Variants in ARHGAP20 observed in about 807,000 individuals in gnomAD.
The protein encoded by ARHGAP20 is Rho GTPase activating protein 20, also known as rho GTPase-activating protein 20.
A neutral mutation model predicts 73.7 loss-of-function variants in ARHGAP20; 34 were observed. That is an observed-to-expected ratio of 0.46 (90% CI 0.35 to 0.61). The LOEUF is 0.61. Among genes scored for constraint, ARHGAP20 ranks in the 20% least tolerant of loss-of-function variants. The pLI, the probability that ARHGAP20 is intolerant of heterozygous loss-of-function variation, is 0.00. For synonymous variants in ARHGAP20, 523 were observed against 518.2 expected, an observed-to-expected ratio of 1.01 and a Z score of -0.13; for missense variants, 1,314 against 1,420.9, an observed-to-expected ratio of 0.92 and a Z score of 1.21.
chr11:110,643,081 T>C (rs1347600983), intron 2 of ARHGAP20, among the ~76,000 whole-genome samples: 1 of 152,090 alleles, frequency 6.6e-6, no homozygotes, highest in South Asian at 2.1e-4. Context: ...CTGTTCATAA[T>C]AGTCTCAGGA....
At chr11:110,695,555 A>G (rs1204812099) in intron 1 of ARHGAP20, among the ~76,000 whole-genome samples, 1 of 151,722 alleles carries the variant, frequency 6.6e-6, no homozygotes, top group Admixed American at 6.6e-5. Context: ...AGATATACGA[A>G]TTGCCAATAA....
At chr11:110,643,745 A>G (rs1255666061) in intron 2 of ARHGAP20, among the ~76,000 whole-genome samples, 2 of 151,950 alleles carry the variant, frequency 1.3e-5, no homozygotes, top group Non-Finnish European at 2.9e-5. Context: ...GTTGTTGGGT[A>G]GAGTATTCTG....
intron 10 of ARHGAP20, among the ~76,000 whole-genome samples, chr11:110,591,330 A>G (rs866031583): frequency 1.3e-5 from 2 of 152,212 alleles, no homozygotes; most frequent in Non-Finnish European, 2.9e-5. Context: ...TGATGACATG[A>G]TAACAACTAT....
upstream of ARHGAP20, chr11:110,712,930 G>T (rs1300206143): frequency 6.6e-6 from 1 of 152,394 alleles, no homozygotes; most frequent in East Asian, 1.9e-4. Flanking sequence ...GTGGCACGTC[G>T]CAGAGTGTCG....
intron 2 of ARHGAP20, among the ~76,000 whole-genome samples, chr11:110,653,924 A>G (rs1949412132): frequency 6.6e-6 from 1 of 152,122 alleles, no homozygotes; most frequent in African/African-American, 2.4e-5. Flanking sequence ...ATGGACATGG[A>G]TGGAGCTGGG....
chr11:110,607,017 C>T (rs547332728), intron 8 of ARHGAP20, among the ~76,000 whole-genome samples: 6 of 152,134 alleles, frequency 3.9e-5, no homozygotes, highest in East Asian at 1.9e-4. Context: ...GATCAGTTTG[C>T]GAGTTCCATA....
At chr11:110,599,512 C>G (rs1948057813) in intron 9 of ARHGAP20, among the ~76,000 whole-genome samples, 1 of 152,206 alleles carries the variant, frequency 6.6e-6, no homozygotes, top group South Asian at 2.1e-4. Context: ...TGAACAGCAG[C>G]AGGAGGCAGA....
At chr11:110,600,719 GTAACAGT>G (rs1948089227) in intron 9 of ARHGAP20, among the ~76,000 whole-genome samples, 2 of 134,002 alleles carry the variant, frequency 1.5e-5, no homozygotes, top group Non-Finnish European at 3.5e-5. Flanking sequence ...ACAGTAACCT[GTAACAGT>G]AACATGTGAG....
intron 7 of ARHGAP20, among the ~76,000 whole-genome samples, chr11:110,609,504 T>C (rs535625566): frequency 6.6e-5 from 10 of 152,126 alleles, no homozygotes; most frequent in Admixed American, 5.9e-4. Flanking sequence ...AGATAAGTAA[T>C]TGGCACAACC....
intron 2 of ARHGAP20, among the ~76,000 whole-genome samples, chr11:110,666,377 T>A (rs1949724557): frequency 6.6e-6 from 1 of 152,124 alleles, no homozygotes; most frequent in Non-Finnish European, 1.5e-5. Flanking sequence ...TATGAAAGCT[T>A]ATAGGACCTA....
chr11:110,682,551 T>C (rs1193260309), intron 2 of ARHGAP20, among the ~76,000 whole-genome samples: 3 of 152,150 alleles, frequency 2.0e-5, no homozygotes, highest in African/African-American at 7.2e-5. Flanking sequence ...ATTAATCAAC[T>C]ATGTGACCTA....
rs193139192 is a variant in ARHGAP20, at chr11:110,664,946, C to T, written c.188+25601G>A. Among the ~76,000 whole-genome samples, 1,193 of 152,164 alleles carry T rather than the reference C, an allele frequency of 7.8e-3. 16 individuals carry two copies. The highest frequency in any genetic ancestry group is 7.5e-3 in the Non-Finnish European group (507 of 67,986). ...TGTTAAGATATCAATTCTGCCTCAACGATCTATAGATTCAGTGCAATTCCA... is the reference window on the plus strand; with the variant it reads ...TGTTAAGATATCAATTCTGCCTCAATGATCTATAGATTCAGTGCAATTCCA... On this transcript the variant is annotated intron_variant, in intron 2 of 14. Coordinates refer to ENST00000683387, the MANE Select transcript of ARHGAP20 (RefSeq NM_001384657.1).
intron 1 of ARHGAP20, among the ~76,000 whole-genome samples, chr11:110,694,844 GT>G (rs1950306682): frequency 6.6e-6 from 1 of 151,402 alleles, no homozygotes; most frequent in Non-Finnish European, 1.5e-5. Flanking sequence ...ATAAATGAGG[GT>G]TTTATGTGAA....
intron 5 of ARHGAP20, among the ~76,000 whole-genome samples, chr11:110,615,106 G>C (rs1948455411): frequency 6.6e-6 from 1 of 152,206 alleles, no homozygotes; most frequent in Non-Finnish European, 1.5e-5. Context: ...GGGAAGGACT[G>C]TAAGTCTAAC....
chr11:110,660,339 C>T (rs1480495977), intron 2 of ARHGAP20, among the ~76,000 whole-genome samples: 2 of 152,044 alleles, frequency 1.3e-5, no homozygotes, highest in African/African-American at 4.8e-5. Flanking sequence ...AAGGGTGAGT[C>T]AAGAGACCAG....
chr11:110,624,986 A>G (rs1459926426), intron 3 of ARHGAP20, among the ~76,000 whole-genome samples: 4 of 151,928 alleles, frequency 2.6e-5, no homozygotes, highest in African/African-American at 9.7e-5. Flanking sequence ...TGAGTGGCTG[A>G]AAACAGAAAA....
chr11:110,596,049 T>G (rs1947951039), intron 9 of ARHGAP20, among the ~76,000 whole-genome samples: 1 of 152,134 alleles, frequency 6.6e-6, no homozygotes, highest in African/African-American at 2.4e-5. Context: ...GGGGAAAGGA[T>G]TCCCTATTTA....
intron 3 of ARHGAP20, among the ~76,000 whole-genome samples, chr11:110,628,008 G>A (rs1038606140): frequency 2.0e-5 from 3 of 152,170 alleles, no homozygotes; most frequent in Non-Finnish European, 4.4e-5. Context: ...TCGGCATCCA[G>A]TACAAAACAG....
At chr11:110,703,980 G>A (rs532234985) in intron 1 of ARHGAP20, among the ~76,000 whole-genome samples, 2 of 152,320 alleles carry the variant, frequency 1.3e-5, no homozygotes, top group Admixed American at 6.5e-5. Context: ...TGAAGGCCAA[G>A]AGGCTAATTG....
Sources: allele counts gnomAD v4.1 joint callset (sites outside exome capture counted in the v4.1 genomes callset), GRCh38; gene constraint gnomAD v4.1.1; transcripts MANE v1.5; gene names NCBI Gene and HGNC (gene_info 2026-07-23, HGNC 2026-07-21).